The following FER variants were observed in gnomAD, a reference collection of about 807,000 sequenced individuals.
The protein encoded by FER is tyrosine-protein kinase Fer.
FER carries 63 observed loss-of-function variants against 111.0 expected under a neutral mutation model. The observed-to-expected ratio is 0.57, with a 90% confidence interval of 0.46 to 0.70. The LOEUF is 0.70. FER is among the 30% of genes least tolerant of loss of function. FER has a pLI of 0.00. For missense variants in FER, 914 were observed against 954.0 expected (o/e 0.96, Z 0.55); for synonymous variants, 327 against 313.9 (o/e 1.04, Z -0.44).
chr5:108,782,347 T>C (rs1052380646), intron 2 of FER, among the ~76,000 whole-genome samples: 9 of 152,052 alleles, frequency 5.9e-5, no homozygotes, highest in Admixed American at 5.9e-4. Flanking sequence ...CTCAAACTCA[T>C]GGCCTTAAAT....
chr5:109,180,846 T>C lies in FER; in HGVS notation c.2148T>C (p.Ser716=). 1 of 1,613,680 alleles carries C rather than the reference T, an allele frequency of 6.2e-7. No individual in the cohort carries two copies. The highest frequency in any genetic ancestry group is 8.5e-7 in the Non-Finnish European group (1 of 1,179,728). ...SRQEDGGVYS[S]SGLKQIPIKW... is the part of the protein sequence containing the mutation. Reference sequence around the variant, plus strand: ...AAGAGGATGGTGGAGTGTATTCATCTTCTGGCTTAAAGCAGATTCCCATTA... The same window carrying C: ...AAGAGGATGGTGGAGTGTATTCATCCTCTGGCTTAAAGCAGATTCCCATTA... Residue 716 remains serine (S), a synonymous_variant, in exon 18 of 20, where the codon TCT becomes TCC. Coordinates refer to ENST00000281092, the MANE Select transcript of FER (RefSeq NM_005246.4).
At chr5:109,051,091 A>G (rs1303783477) in intron 16 of FER, among the ~76,000 whole-genome samples, 1 of 152,128 alleles carries the variant, frequency 6.6e-6, no homozygotes, top group Admixed American at 6.5e-5. Context: ...ACTACTTTAA[A>G]TACCAATATG....
chr5:108,908,692 G>T (rs1380295098), intron 10 of FER, among the ~76,000 whole-genome samples: 3 of 149,506 alleles, frequency 2.0e-5, no homozygotes, highest in Non-Finnish European at 4.4e-5. Flanking sequence ...TTGCACTCTA[G>T]CCTGGGCGAG....
chr5:108,885,439 C>G (rs765355043), intron 9 of FER, among the ~76,000 whole-genome samples: 16 of 151,898 alleles, frequency 1.1e-4, no homozygotes, highest in African/African-American at 1.4e-4. Flanking sequence ...TCTGTTTGGT[C>G]TGCTATAACA....
intron 10 of FER, among the ~76,000 whole-genome samples, chr5:108,919,214 G>GT (rs1254157855): frequency 0.014 from 1,963 of 136,658 alleles, 20 homozygotes; most frequent in Non-Finnish European, 0.023. Flanking sequence ...ATTTCTGCTT[G>GT]TTTTTTTTTT....
chr5:109,081,348 G>A (rs1776965261), intron 16 of FER, among the ~76,000 whole-genome samples: 1 of 151,962 alleles, frequency 6.6e-6, no homozygotes, highest in African/African-American at 2.4e-5. Flanking sequence ...TTTGAAACAA[G>A]TTACTTTAAT....
chr5:109,151,797 A>C (rs998343681), intron 17 of FER, among the ~76,000 whole-genome samples: 1 of 152,130 alleles, frequency 6.6e-6, no homozygotes, highest in Non-Finnish European at 1.5e-5. Context: ...TATGAGACAA[A>C]GTTTACAGAC....
intron 13 of FER, among the ~76,000 whole-genome samples, chr5:109,028,698 G>A (rs1370521758): frequency 6.6e-6 from 1 of 152,184 alleles, no homozygotes; most frequent in African/African-American, 2.4e-5. Context: ...TTCAAGGCTA[G>A]GATTTATTGT....
intron 2 of FER, among the ~76,000 whole-genome samples, chr5:108,772,051 T>G (rs10477933): frequency 0.27 from 40,528 of 151,888 alleles, 6,042 homozygotes; most frequent in African/African-American, 0.4. Flanking sequence ...CTTCATAGTT[T>G]GTGCCTTTTT....
intron 15 of FER, among the ~76,000 whole-genome samples, 189 bp from the exon 16 acceptor site, chr5:109,046,915 T>G (rs1772069792): frequency 6.6e-6 from 1 of 152,126 alleles, no homozygotes; most frequent in Non-Finnish European, 1.5e-5. Flanking sequence ...GGAACCAGTC[T>G]CCTACAGATA....
At chr5:109,016,075 C>T (rs1288176291) in intron 13 of FER, among the ~76,000 whole-genome samples, 1 of 151,946 alleles carries the variant, frequency 6.6e-6, no homozygotes, top group East Asian at 1.9e-4. Context: ...GCTGAGAATG[C>T]CCTTTTCTAG....
At chr5:108,874,106 T>A (rs1764867217) in intron 8 of FER, among the ~76,000 whole-genome samples, 1 of 152,216 alleles carries the variant, frequency 6.6e-6, no homozygotes, top group Non-Finnish European at 1.5e-5. Context: ...GTTAATGCCT[T>A]CAAGGACTTT....
chr5:108,831,954 G>A (rs1760087683), intron 3 of FER, among the ~76,000 whole-genome samples: 1 of 151,828 alleles, frequency 6.6e-6, no homozygotes, highest in Non-Finnish European at 1.5e-5. Context: ...CTATAGCGAA[G>A]AGGATTCCTC....
intron 13 of FER, among the ~76,000 whole-genome samples, chr5:109,035,096 C>T (rs1366566215): frequency 1.4e-5 from 2 of 145,528 alleles, no homozygotes; most frequent in Non-Finnish European, 3.0e-5. Flanking sequence ...TGCAGTGGCG[C>T]AATCTTGGCT....
chr5:109,151,686 G>A (rs563391981), intron 17 of FER, among the ~76,000 whole-genome samples: 6 of 152,152 alleles, frequency 3.9e-5, no homozygotes, highest in East Asian at 1.9e-4. Context: ...CAAGACCTGC[G>A]GTCAAAGCAT....
At chr5:109,182,599 C>A (rs191521275) in intron 18 of FER, among the ~76,000 whole-genome samples, 3 of 152,136 alleles carry the variant, frequency 2.0e-5, no homozygotes, top group South Asian at 4.1e-4. Flanking sequence ...GAAGCTGTAA[C>A]TGGGCTTGGG....
At chr5:108,965,189 G>A (rs1488589929) in intron 13 of FER, among the ~76,000 whole-genome samples, 1 of 152,082 alleles carries the variant, frequency 6.6e-6, no homozygotes, top group Admixed American at 6.5e-5. Flanking sequence ...AATTTATCAG[G>A]AATATATAAA....
intron 1 of FER, among the ~76,000 whole-genome samples, chr5:108,756,260 A>G (rs1266832992): frequency 6.6e-6 from 1 of 151,796 alleles, no homozygotes; most frequent in Non-Finnish European, 1.5e-5. Flanking sequence ...CATGCTTTCT[A>G]TGTACGTTCT....
intron 16 of FER, among the ~76,000 whole-genome samples, chr5:109,049,022 CAG>C (rs1334487341): frequency 4.6e-5 from 7 of 152,068 alleles, no homozygotes; most frequent in African/African-American, 1.4e-4. Context: ...TTTTTACAAA[CAG>C]TGTTCAATGA....
Sources: gnomAD v4.1 joint callset for allele counts (sites outside exome capture counted in the v4.1 genomes callset) on GRCh38, gnomAD v4.1.1 for gene constraint, MANE v1.5 for transcripts, NCBI Gene and HGNC (gene_info 2026-07-23, HGNC 2026-07-21) for gene names.